IL1RAPL1: variants seen among roughly 807,000 people sequenced by gnomAD.
IL1RAPL1 encodes interleukin 1 receptor accessory protein like 1.
A neutral mutation model predicts 48.4 loss-of-function variants in IL1RAPL1; 3 were observed. The observed-to-expected ratio is 0.06, with a 90% CI of 0.03 to 0.16. The LOEUF (loss-of-function observed/expected upper bound fraction) is 0.16, where lower values mean the gene tolerates loss of function less well. Ranked by LOEUF, IL1RAPL1 falls within the 10% of genes least tolerant of loss-of-function variation. The pLI is 1.00. For missense variants in IL1RAPL1, 349 were observed against 530.6 expected (o/e 0.66, Z 3.36); for synonymous variants, 185 against 187.7 (o/e 0.99, Z 0.12).
At chrX:29,185,304 A>G (rs1271778688) in intron 2 of IL1RAPL1, among the ~76,000 whole-genome samples, 2 of 111,851 alleles carry the variant, frequency 1.8e-5, no homozygotes, top group African/African-American at 3.2e-5. Flanking sequence ...AATGATGTCT[A>G]TATTCTTACG....
At chrX:28,989,252 G>A (rs1601998680) in intron 2 of IL1RAPL1, among the ~76,000 whole-genome samples, 1 of 112,275 alleles carries the variant, frequency 8.9e-6, no homozygotes, top group Admixed American at 9.4e-5. Context: ...TGTGTCTATG[G>A]CTGTATCTCA....
chrX:29,926,342 A>G (rs6653828), intron 8 of IL1RAPL1, among the ~76,000 whole-genome samples: 24,252 of 111,228 alleles, frequency 0.22, 2,197 homozygotes, highest in African/African-American at 0.33. Flanking sequence ...GACAAAACCA[A>G]TGTCGAGGGC....
At chrX:29,803,225 A>G (rs375946995) in intron 6 of IL1RAPL1, among the ~76,000 whole-genome samples, 324 of 32,105 alleles carry the variant, frequency 0.01, 22 homozygotes, top group African/African-American at 0.028. Context: ...ATGTATACAT[A>G]TACACACATG....
chrX:29,404,996 C>G (rs1488832247), intron 5 of IL1RAPL1, among the ~76,000 whole-genome samples: 5 of 110,801 alleles, frequency 4.5e-5, no homozygotes, highest in African/African-American at 1.7e-4. Context: ...TCACTGCAAC[C>G]TCTGCTTCCT....
chrX:28,687,813 G>T (rs1935129887), intron 1 of IL1RAPL1, among the ~76,000 whole-genome samples: 1 of 104,447 alleles, frequency 9.6e-6, no homozygotes, highest in South Asian at 4.3e-4. Flanking sequence ...AATAAAATAT[G>T]GGGGCAGGGG....
chrX:29,335,261 C>A (rs111464484), intron 3 of IL1RAPL1, among the ~76,000 whole-genome samples: 5 of 24,136 alleles, frequency 2.1e-4, no homozygotes, highest in African/African-American at 9.1e-4. Context: ...TGGAGGGAGA[C>A]GGAGACGGAG....
chrX:29,296,797 C>T (rs1195185917), intron 3 of IL1RAPL1, among the ~76,000 whole-genome samples: 5 of 111,419 alleles, frequency 4.5e-5, no homozygotes, highest in African/African-American at 1.6e-4. Context: ...GAAATAATAG[C>T]CAGACAACTA....
chrX:28,788,589 C>T (rs747096186), intron 1 of IL1RAPL1, among the ~76,000 whole-genome samples: 11 of 109,737 alleles, frequency 1.0e-4, no homozygotes, highest in African/African-American at 1.3e-4. Context: ...ACATCAGCCT[C>T]CCAAGTAGCT....
intron 2 of IL1RAPL1, among the ~76,000 whole-genome samples, chrX:29,280,299 A>T (rs761972177): frequency 1.3e-4 from 15 of 111,972 alleles, no homozygotes; most frequent in Non-Finnish European, 2.6e-4. Context: ...TATGACAATG[A>T]CTCAGACATT....
At chrX:29,289,673 C>A (rs1029582540) in intron 3 of IL1RAPL1, among the ~76,000 whole-genome samples, 14 of 112,165 alleles carry the variant, frequency 1.2e-4, no homozygotes, top group African/African-American at 4.5e-4. Context: ...GAATTGATAT[C>A]TTTACCATAT....
intron 6 of IL1RAPL1, among the ~76,000 whole-genome samples, chrX:29,759,351 C>T (rs184971118): frequency 1.4e-3 from 158 of 111,733 alleles, no homozygotes; most frequent in Non-Finnish European, 2.4e-3. Context: ...GACAACACTG[C>T]GTTTTCAAAA....
At chrX:29,478,306 C>A (rs1300244282) in intron 5 of IL1RAPL1, among the ~76,000 whole-genome samples, 3 of 112,140 alleles carry the variant, frequency 2.7e-5, no homozygotes, top group Middle Eastern at 4.6e-3. Flanking sequence ...TGACTCCTGT[C>A]TTCCTCACAA....
intron 6 of IL1RAPL1, among the ~76,000 whole-genome samples, chrX:29,905,910 CAG>C (rs1932603196): frequency 2.7e-5 from 3 of 111,173 alleles, no homozygotes; most frequent in African/African-American, 9.8e-5. Flanking sequence ...CAGATTTACA[CAG>C]ATTAAAGAAA....
At position 28,729,128 on chromosome X, in the gene IL1RAPL1, CT is replaced by C. The variant is rs972624491; in HGVS notation, c.-24-60188del. On this transcript the variant is annotated intron_variant, in intron 1 of 10. Transcript: ENST00000378993. ...ATTTGTGCAAATTTAAAATGATTGA[CT>C]TTTATTTTGCAGTTAGCAAATAAGC... is the stretch of plus-strand genomic sequence containing the variant. Among the ~76,000 whole-genome samples, 20 of 111,791 alleles carry C rather than the reference CT, an allele frequency of 1.8e-4. No homozygotes were observed. The Admixed American group carries it at 1.8e-3, about 10-fold the overall frequency.
At chrX:29,638,892 G>A (rs1569134711) in intron 5 of IL1RAPL1, among the ~76,000 whole-genome samples, 1 of 112,237 alleles carries the variant, frequency 8.9e-6, no homozygotes, top group Non-Finnish European at 1.9e-5. Context: ...ATATTTTTAA[G>A]AACAGGTTTT....
intron 5 of IL1RAPL1, among the ~76,000 whole-genome samples, chrX:29,535,094 A>G (rs1170138775): frequency 1.1e-5 from 1 of 89,568 alleles, no homozygotes; most frequent in African/African-American, 4.2e-5. Context: ...AGATTATGGC[A>G]CTGAACTCCA....
intron 6 of IL1RAPL1, among the ~76,000 whole-genome samples, chrX:29,743,137 A>G (rs947863750): frequency 9.2e-6 from 1 of 108,766 alleles, no homozygotes. Flanking sequence ...TTTATATACT[A>G]TTTACAAATT....
At chrX:29,448,652 A>C (rs1934639319) in intron 5 of IL1RAPL1, among the ~76,000 whole-genome samples, 1 of 112,269 alleles carries the variant, frequency 8.9e-6, no homozygotes, top group Non-Finnish European at 1.9e-5. Flanking sequence ...CAGTTCTCAG[A>C]GGGAAATGGG....
intron 2 of IL1RAPL1, among the ~76,000 whole-genome samples, chrX:29,034,014 A>G (rs1050555399): frequency 4.5e-5 from 5 of 111,933 alleles, no homozygotes; most frequent in Non-Finnish European, 9.4e-5. Context: ...TTTATTCCAA[A>G]TAAATCAAAT....
Sources: allele counts gnomAD v4.1 joint callset (sites outside exome capture counted in the v4.1 genomes callset), GRCh38; gene constraint gnomAD v4.1.1; transcripts MANE v1.5; gene names NCBI Gene and HGNC (gene_info 2026-07-23, HGNC 2026-07-21).